The following ZNF517 variants were observed in gnomAD, a reference collection of about 807,000 sequenced individuals.
ZNF517 encodes zinc finger protein 517.
ZNF517 carries 12 observed loss-of-function variants against 12.1 expected under a neutral mutation model. That is an observed-to-expected ratio of 0.99 (90% confidence interval 0.63 to 1.61). The LOEUF is 1.61. Among genes scored for constraint, ZNF517 ranks in the 40% most tolerant of loss-of-function variants. ZNF517 has a pLI of 0.00. For synonymous variants in ZNF517, 388 were observed against 310.2 expected (o/e 1.25, Z -2.63); for missense variants, 781 against 693.2 (o/e 1.13, Z -1.42).
rs140810383 is a variant in ZNF517 at position 144,803,160 on chromosome 8, C to G, written c.33+213C>G. The G allele has an allele frequency of 3.4e-3, 2,116 of 625,326 alleles. 31 individuals carry two copies. The African/African-American group carries it at 0.035, about 10-fold the overall frequency. The allele number at this position is 625,326 out of a possible 1,614,324, so 38.7% of individuals were successfully genotyped here. A position where few individuals can be genotyped will look rare whatever the true frequency, so the allele number is the denominator to read the frequency against. ...CCTTTGGGCAGAAGTGGGCTTCCTG[C>G]GGCCTCCTCTGGCCCCTGAGCTTCT... On this transcript the variant is annotated intron_variant, in intron 2 of 4. Transcript: ENST00000359971.
chr8:144,807,452 G>A lies in ZNF517; in HGVS notation c.536G>A (p.Arg179Lys). 1 of 1,577,010 alleles carries A rather than the reference G, an allele frequency of 6.3e-7. No homozygotes were observed. Residue 179 changes from arginine (R) to lysine (K), a missense_variant, in exon 5 of 5, where the codon AGG becomes AAG. By Grantham distance (26) the Arg-to-Lys change is conservative. Transcript: ENST00000359971. ...GTGGGGAGCTCAGCCCCCCGCTACA[G>A]GTGCGTGTGCGGCAAGGCGTTCAGA... The part of the protein sequence containing the change: ...RPVGSSAPRY[R>K]CVCGKAFRYN...
intron 4 of ZNF517, 58 bp from the exon 5 acceptor site, chr8:144,807,133 A>G: frequency 6.7e-7 from 1 of 1,499,830 alleles, no homozygotes; most frequent in Admixed American, 2.4e-5. Flanking sequence ...TCAAACAAGA[A>G]GTTCGTTTGT....
chr8:144,799,894 C>A (rs902408969), intron 1 of ZNF517, among the ~76,000 whole-genome samples: 1 of 152,150 alleles, frequency 6.6e-6, no homozygotes, highest in Non-Finnish European at 1.5e-5. Flanking sequence ...GAGCCGAGAT[C>A]GCGCCACTGG....
Position 144,809,900 on chromosome 8 carries a change from A to G in ZNF517, c.*1505A>G. 2.8e-6 allele frequency: 1 copy of G among 363,470 alleles called. No individual in the cohort carries two copies. The highest frequency in any genetic ancestry group is 4.2e-5 in the East Asian group (1 of 24,078). 22.5% of individuals were successfully genotyped at this position (363,470 alleles called of 1,614,324 possible). On this transcript the variant is annotated 3_prime_UTR_variant, in exon 5 of 5. Transcript: ENST00000359971. ...GACCCCCGTCTCTACTAAAAGTACA[A>G]AAAGTAGCTGGGTGTGGTGCTGGGT...
chr8:144,800,813 G>T, intron 1 of ZNF517: 1 of 487,478 alleles, frequency 2.1e-6, no homozygotes, highest in Non-Finnish European at 2.7e-6. Flanking sequence ...TTGTGACCAA[G>T]CAGCCCTCCT....
chr8:144,803,191 C>T, intron 2 of ZNF517: 1 of 563,496 alleles, frequency 1.8e-6, no homozygotes, highest in South Asian at 2.3e-5. Context: ...CTTCTATGGT[C>T]AGCCATTGAG....
chr8:144,807,630 CG>C lies in ZNF517; in HGVS notation c.717del (p.Lys240ArgfsTer94). 6.2e-7 allele frequency: 1 copy of C among 1,609,962 alleles called. No homozygotes were observed. The highest frequency in any genetic ancestry group is 8.5e-7 in the Non-Finnish European group (1 of 1,179,048). The part of the protein sequence containing the change: ...EEKPFQCGEC[G>X]KAFRQSTQLA... ...AGAAGCCGTTCCAGTGCGGCGAGTG[CG>C]GGAAGGCCTTCCGGCAGAGCACGCA... On this transcript the variant is annotated frameshift_variant, in exon 5 of 5. Transcript: ENST00000359971. LOFTEE classifies it low-confidence loss of function (END_TRUNC).
chr8:144,803,875 G>C, intron 3 of ZNF517, 108 bp downstream of exon 3: 2 of 1,469,148 alleles, frequency 1.4e-6, no homozygotes, highest in Non-Finnish European at 1.8e-6. Flanking sequence ...TTGAGGGGAA[G>C]CTGGAGGCTC....
chr8:144,808,273 C>A lies in ZNF517; in HGVS notation c.1357C>A (p.Arg453=). The part of the protein sequence containing the change: ...YRLHSGERPY[R]CRACGRACSR... ...GCTCCACAGCGGCGAGAGGCCATAC[C>A]GGTGCCGCGCCTGCGGGAGGGCCTG... The change falls in exon 5 of 5, where the codon CGG becomes AGG. Residue 453 remains arginine, a synonymous_variant. Transcript: ENST00000359971. 1 of 1,572,574 alleles carries A rather than the reference C, an allele frequency of 6.4e-7. No individual in the cohort carries two copies. Among genetic ancestry groups the A allele is most frequent in the Admixed American group, 1.8e-5 (1 of 55,306 alleles).
intron 1 of ZNF517, chr8:144,800,601 C>T (rs1454093590): frequency 1.0e-6 from 1 of 985,208 alleles, no homozygotes; most frequent in Admixed American, 6.2e-5. Context: ...ATCGCAGTGG[C>T]CCAGGTGGGT....
chr8:144,803,100 C>G, intron 2 of ZNF517, 153 bp downstream of exon 2: 1 of 977,336 alleles, frequency 1.0e-6, no homozygotes, highest in Non-Finnish European at 1.5e-6. Flanking sequence ...GCTCTATGGC[C>G]AGGCCTCACA....
chr8:144,808,287 CGGGA>C lies in ZNF517; in HGVS notation c.1375_1378del (p.Arg459ProfsTer54). The stretch of plus-strand genomic sequence containing the variant: ...AGAGGCCATACCGGTGCCGCGCCTG[CGGGA>C]GGGCCTGCAGCCGGCTGTCCACCCT... On this transcript the variant is annotated frameshift_variant, in exon 5 of 5. Coordinates refer to ENST00000359971, the MANE Select transcript of ZNF517 (RefSeq NM_213605.3). LOFTEE classifies it low-confidence loss of function (END_TRUNC). The C allele has an allele frequency of 6.4e-7, 1 of 1,556,472 alleles. No individual in the cohort carries two copies. Among genetic ancestry groups the C allele is most frequent in the Non-Finnish European group, 8.7e-7 (1 of 1,149,178 alleles).
At position 144,807,515 on chromosome 8, in the gene ZNF517, C is replaced by T. The variant is rs1248359372; in HGVS notation, c.599C>T (p.Thr200Ile). The T allele has an allele frequency of 6.3e-7, 1 of 1,593,270 alleles. No homozygotes were observed. The highest frequency in any genetic ancestry group is 1.3e-5 in the African/African-American group (1 of 74,322). ...SLLLRHQIIHTGAKPFQCTEC... is the reference protein window; with the variant it reads ...SLLLRHQIIHIGAKPFQCTEC... ...CTTCTCAGGCACCAGATCATCCACA[C>T]CGGCGCCAAGCCCTTCCAGTGCACA... The change falls in exon 5 of 5, where the codon ACC (threonine) becomes ATC (isoleucine). Residue 200 changes from threonine to isoleucine, a missense_variant. Thr to Ile is a moderately conservative substitution (Grantham distance 89). Coordinates refer to ENST00000359971, the MANE Select transcript of ZNF517 (RefSeq NM_213605.3).
chr8:144,810,021 C>T lies in ZNF517; in HGVS notation c.*1626C>T, dbSNP rs1000963327. The T allele has an allele frequency of 4.3e-6, 2 of 468,006 alleles. No individual in the cohort carries two copies. Among genetic ancestry groups the T allele is most frequent in the African/African-American group, 2.0e-5 (1 of 51,142 alleles). 29.0% of individuals were successfully genotyped at this position (468,006 alleles called of 1,614,324 possible). On this transcript the variant is annotated 3_prime_UTR_variant, in exon 5 of 5. Coordinates refer to ENST00000359971, the MANE Select transcript of ZNF517 (RefSeq NM_213605.3). ...TGAGCCGAGATCGAGCCACTGCACT[C>T]CAGCCTGGGTGACAGGGCAAGACTC...
At chr8:144,807,093 G>A in intron 4 of ZNF517, 98 bp from the exon 5 acceptor site, 1 of 1,441,958 alleles carries the variant, frequency 6.9e-7, no homozygotes, top group Non-Finnish European at 9.2e-7. Flanking sequence ...GGGTGTTGGG[G>A]GAAGACTTGG....
intron 1 of ZNF517, among the ~76,000 whole-genome samples, chr8:144,799,396 C>T (rs1826832866): frequency 6.6e-6 from 1 of 152,206 alleles, no homozygotes. Context: ...GACCAACAGT[C>T]ATTTCGTAAA....
chr8:144,807,600 T>G lies in ZNF517; in HGVS notation c.684T>G (p.Thr228=). The G allele has an allele frequency of 1.2e-6, 2 of 1,605,608 alleles. No individual in the cohort carries two copies. Among genetic ancestry groups the G allele is most frequent in the Non-Finnish European group, 1.7e-6 (2 of 1,177,126 alleles). Residue 228 remains threonine (T), a synonymous_variant, in exon 5 of 5, where the codon ACT becomes ACG. Transcript: ENST00000359971. ...SILLRHQLIH[T]EEKPFQCGEC... is the part of the protein sequence containing the mutation. ...TGCTGCGGCACCAGCTGATCCACACTGAGGAGAAGCCGTTCCAGTGCGGCG... is the reference window on the plus strand; with the variant it reads ...TGCTGCGGCACCAGCTGATCCACACGGAGGAGAAGCCGTTCCAGTGCGGCG...
At chr8:144,804,340 T>G in intron 4 of ZNF517, 102 bp downstream of exon 4, 1 of 789,950 alleles carries the variant, frequency 1.3e-6, no homozygotes, top group Non-Finnish European at 2.0e-6. Context: ...GGTGTGTATG[T>G]TTAGCTCCTC....
Position 144,808,610 on chromosome 8 carries a change from C to A in ZNF517, c.*215C>A. On this transcript the variant is annotated 3_prime_UTR_variant, in exon 5 of 5. Coordinates refer to ENST00000359971, the MANE Select transcript of ZNF517 (RefSeq NM_213605.3). ...GTGTGGCCTCAGGAACCACTATCAG[C>A]CACCATTTCCTGGGGCCTTCCGGAA... is the stretch of plus-strand genomic sequence containing the variant. The A allele has an allele frequency of 1.8e-6, 1 of 555,304 alleles. No homozygotes were observed. The highest frequency in any genetic ancestry group is 2.8e-6 in the Non-Finnish European group (1 of 360,478). The allele number at this position is 555,304 out of a possible 1,614,324, so 34.4% of individuals were successfully genotyped here.
Sources: gnomAD v4.1 joint callset for allele counts (sites outside exome capture counted in the v4.1 genomes callset) on GRCh38, gnomAD v4.1.1 for gene constraint, MANE v1.5 for transcripts, NCBI Gene and HGNC (gene_info 2026-07-23, HGNC 2026-07-21) for gene names.